The following ADAMTS16 variants were observed in gnomAD, a reference collection of about 807,000 sequenced individuals.
ADAMTS16 encodes ADAM metallopeptidase with thrombospondin type 1 motif 16.
ADAMTS16 carries 94 observed loss-of-function variants against 145.8 expected under a neutral mutation model. That is an observed-to-expected ratio of 0.64 (90% CI 0.55 to 0.77). The LOEUF (loss-of-function observed/expected upper bound fraction) is 0.77, where lower values mean the gene tolerates loss of function less well. Ranked by LOEUF, ADAMTS16 falls within the 30% of genes least tolerant of loss-of-function variation. The pLI is 0.00. For missense variants in ADAMTS16, 1,585 were observed against 1,591.5 expected (o/e 1.00, Z 0.07); for synonymous variants, 659 against 604.3 (o/e 1.09, Z -1.33).
chr5:5,222,797 T>A lies in ADAMTS16; in HGVS notation c.1614T>A (p.Cys538Ter), dbSNP rs1247902354. ...TTACAAAATTTCTTTAGGACATCTG[T>A]AAAGCCCTGTGGTGCCATCGTATTG... ...LCMLDFKKDICKALWCHRIGR... is the reference protein window; with the variant it reads ...LCMLDFKKDI Residue 538 changes from cysteine (C) to a stop codon, truncating the protein, a stop_gained, in exon 11 of 23, where the codon TGT becomes TGA. Coordinates refer to ENST00000274181, the MANE Select transcript of ADAMTS16 (RefSeq NM_139056.4). LOFTEE classifies it high-confidence loss of function. 6.2e-7 allele frequency: 1 copy of A among 1,614,116 alleles called. No individual in the cohort carries two copies. Among genetic ancestry groups the A allele is most frequent in the Non-Finnish European group, 8.5e-7 (1 of 1,179,968 alleles).
Position 5,146,313 on chromosome 5 carries a change from C to T in ADAMTS16, c.359C>T (p.Ala120Val), listed in dbSNP as rs769243649. ...CTGAGGACTTCCAGCAGCCTAGTGG[C>T]TCCTGGCTTTATTGTGCAGACGTTG... is the stretch of plus-strand genomic sequence containing the variant. ...MDLRTSSSLV[A>V]PGFIVQTLGK... The change falls in exon 3 of 23, where the codon GCT becomes GTT. Residue 120 changes from alanine (A) to valine (V), a missense_variant. Ala to Val is a moderately conservative substitution (Grantham distance 64). Around this residue, in one of 3 missense-constraint regions of ADAMTS16, gnomAD observed 453 missense variants for 412.1 expected, o/e 1.10. Coordinates refer to ENST00000274181, the MANE Select transcript of ADAMTS16 (RefSeq NM_139056.4). 55 of 1,614,066 alleles carry T rather than the reference C, an allele frequency of 3.4e-5. No individual in the cohort carries two copies. The highest frequency in any genetic ancestry group is 4.6e-5 in the Non-Finnish European group (54 of 1,180,040).
intron 3 of ADAMTS16, among the ~76,000 whole-genome samples, chr5:5,168,642 AATTATATTTATAT>A (rs1245348417): frequency 4.1e-5 from 4 of 98,742 alleles, no homozygotes; most frequent in African/African-American, 1.0e-4. Flanking sequence ...TAATATATAT[AATTATATTTATAT>A]ATTATATTTA....
chr5:5,261,939 C>G (rs562089911), intron 17 of ADAMTS16, among the ~76,000 whole-genome samples: 1 of 152,278 alleles, frequency 6.6e-6, no homozygotes, highest in South Asian at 2.1e-4. Flanking sequence ...CCCCCTCCTC[C>G]AAGACCCTGG....
chr5:5,304,163 T>C (rs975701468), intron 20 of ADAMTS16, among the ~76,000 whole-genome samples: 1 of 152,178 alleles, frequency 6.6e-6, no homozygotes, highest in East Asian at 1.9e-4. Flanking sequence ...AGAACATGCG[T>C]TGCTTGGGAA....
At chr5:5,217,459 G>A (rs1736468554) in intron 10 of ADAMTS16, among the ~76,000 whole-genome samples, 1 of 152,196 alleles carries the variant, frequency 6.6e-6, no homozygotes. Flanking sequence ...TTTGTCCAAT[G>A]TTATCTTCTA....
chr5:5,182,977 C>G (rs904454926), intron 4 of ADAMTS16, among the ~76,000 whole-genome samples: 6 of 152,152 alleles, frequency 3.9e-5, no homozygotes, highest in African/African-American at 1.4e-4. Context: ...CCCATTGTTT[C>G]CTGCGTGGTT....
intron 9 of ADAMTS16, among the ~76,000 whole-genome samples, chr5:5,208,197 G>A (rs772439346): frequency 2.0e-4 from 30 of 152,310 alleles, no homozygotes; most frequent in Admixed American, 5.9e-4. Context: ...GCAGTGGAAC[G>A]TGGGACTGGG....
At chr5:5,222,279 C>CAGATGTATT (rs1736627407) in intron 10 of ADAMTS16, among the ~76,000 whole-genome samples, 1 of 151,900 alleles carries the variant, frequency 6.6e-6, no homozygotes, top group Non-Finnish European at 1.5e-5. Context: ...TATTTTAAGC[C>CAGATGTATT]TTAATCACAG....
intron 3 of ADAMTS16, among the ~76,000 whole-genome samples, chr5:5,168,352 CATTATT>C (rs70965930): frequency 0.14 from 19,061 of 139,702 alleles, 1,418 homozygotes; most frequent in Middle Eastern, 0.28. Flanking sequence ...TTATCCGAAA[CATTATT>C]ATTATTATTA....
intron 18 of ADAMTS16, among the ~76,000 whole-genome samples, chr5:5,282,795 A>C (rs545065728): frequency 1.1e-4 from 17 of 152,230 alleles, no homozygotes; most frequent in Non-Finnish European, 2.1e-4. Flanking sequence ...AAACTCAAAA[A>C]CTTGGAAGCT....
At chr5:5,187,703 A>G (rs772999417) in intron 5 of ADAMTS16, 22 bp from the exon 6 acceptor site, 38 of 1,567,946 alleles carry the variant, frequency 2.4e-5, no homozygotes, top group Non-Finnish European at 3.2e-5. Context: ...TGGGGCTGAC[A>G]TGGATTTCCT....
intron 16 of ADAMTS16, 43 bp from the exon 17 acceptor site, chr5:5,242,010 T>G (rs1737305330): frequency 6.2e-7 from 1 of 1,609,666 alleles, no homozygotes; most frequent in African/African-American, 1.3e-5. Context: ...CTTGCTGGTT[T>G]TGCATTAATT....
intron 5 of ADAMTS16, 121 bp downstream of exon 5, chr5:5,186,372 T>C: frequency 1.1e-6 from 1 of 902,506 alleles, no homozygotes; most frequent in Non-Finnish European, 1.7e-6. Context: ...TGATGTTCCA[T>C]ATATGAGAAA....
chr5:5,223,162 A>G (rs1736653533), intron 11 of ADAMTS16: 4 of 429,118 alleles, frequency 9.3e-6, no homozygotes, highest in African/African-American at 3.9e-5. Flanking sequence ...GAGGGGAAAC[A>G]TTAAGCCATT....
At position 5,239,285 on chromosome 5, in the gene ADAMTS16, T is replaced by C; in HGVS notation, c.2278+11T>C. 1.3e-6 allele frequency: 2 copies of C among 1,534,992 alleles called. No individual in the cohort carries two copies. The highest frequency in any genetic ancestry group is 1.4e-5 in the African/African-American group (1 of 72,224). Reference sequence around the variant, plus strand: ...ACCACCACACCAACCGTGAGTACTTTAGAGCTGCCTGCAAGCCTTGGGCAA... The same window carrying C: ...ACCACCACACCAACCGTGAGTACTTCAGAGCTGCCTGCAAGCCTTGGGCAA... On this transcript the variant is annotated intron_variant, in intron 15 of 22. Transcript: ENST00000274181.
intron 8 of ADAMTS16, among the ~76,000 whole-genome samples, chr5:5,199,154 A>G (rs1417822904): frequency 6.6e-6 from 1 of 152,200 alleles, no homozygotes; most frequent in Non-Finnish European, 1.5e-5. Context: ...AGAGCACTCA[A>G]GGCCCTCCTA....
chr5:5,286,518 C>G (rs1739105506), intron 18 of ADAMTS16, among the ~76,000 whole-genome samples: 1 of 152,012 alleles, frequency 6.6e-6, no homozygotes, highest in Non-Finnish European at 1.5e-5. Context: ...TGTTGTTTAA[C>G]TAATTATTTA....
chr5:5,255,238 A>G (rs970416326), intron 17 of ADAMTS16, among the ~76,000 whole-genome samples: 3 of 152,160 alleles, frequency 2.0e-5, no homozygotes, highest in African/African-American at 7.2e-5. Context: ...TATATTCTTC[A>G]TGAAGTCAAT....
chr5:5,188,661 T>C (rs1735577017), intron 6 of ADAMTS16, among the ~76,000 whole-genome samples: 1 of 152,188 alleles, frequency 6.6e-6, no homozygotes, highest in Non-Finnish European at 1.5e-5. Context: ...AAGAATTTTT[T>C]AGATGAAACC....
Sources: gnomAD v4.1 joint callset for allele counts (sites outside exome capture counted in the v4.1 genomes callset) on GRCh38, gnomAD v4.1.1 for gene constraint, gnomAD v4.1.1 regional missense constraint, MANE v1.5 for transcripts, NCBI Gene and HGNC (gene_info 2026-07-23, HGNC 2026-07-21) for gene names.